SMARCD3: variants seen among roughly 807,000 people sequenced by gnomAD.
The protein encoded by SMARCD3 is SWI/SNF related BAF chromatin remodeling complex subunit D3, also known as SWI/SNF-related matrix-associated actin-dependent regulator of chromatin subfamily D member 3.
SMARCD3 carries 14 observed loss-of-function variants against 58.0 expected under a neutral mutation model. The ratio of observed to expected loss-of-function variants is 0.24; its 90% CI spans 0.16 to 0.38. SMARCD3 has a LOEUF of 0.38. SMARCD3 is among the 10% of genes least tolerant of loss of function. The probability of loss-of-function intolerance (pLI) is 1.00; values close to 1 mark genes in which losing one functional copy is unlikely to be tolerated. For synonymous variants in SMARCD3, 253 were observed against 253.8 expected, an observed-to-expected ratio of 1.00 and a Z score of 0.03; for missense variants, 408 against 636.9, an observed-to-expected ratio of 0.64 and a Z score of 3.87.
Position 151,242,284 on chromosome 7 carries a change from G to T in SMARCD3, c.580-52C>A. 1 of 1,492,822 alleles carries T rather than the reference G, an allele frequency of 6.7e-7. No individual in the cohort carries two copies. Among genetic ancestry groups the T allele is most frequent in the Non-Finnish European group, 9.3e-7 (1 of 1,069,716 alleles). The allele number at this position is 1,492,822 out of a possible 1,614,324, so 92.5% of individuals were successfully genotyped here. A position where few individuals can be genotyped will look rare whatever the true frequency, so the allele number is the denominator to read the frequency against. The stretch of plus-strand genomic sequence containing the variant: ...GGGCAGAACAGGGACGAGGTGGGAG[G>T]AGCAGAAGGAGGCCAAGTTGGCAGC... On this transcript the variant is annotated intron_variant, in intron 5 of 12. Coordinates refer to ENST00000262188, the MANE Select transcript of SMARCD3 (RefSeq NM_001003801.2). The surrounding 1 kb of genome is among the most constrained non-coding windows in gnomAD (Gnocchi z 4.7).
At chr7:151,275,303 G>C in intron 1 of SMARCD3, 4 of 695,990 alleles carry the variant, frequency 5.7e-6, no homozygotes, top group South Asian at 4.9e-5. Context: ...AGGAGGCCTC[G>C]GGAAGCTGCG....
chr7:151,247,710 A>C (rs1803336794), intron 1 of SMARCD3, among the ~76,000 whole-genome samples: 1 of 148,446 alleles, frequency 6.7e-6, no homozygotes, highest in African/African-American at 2.5e-5. Context: ...TACCCCTCCC[A>C]GCCGGGCCCT....
rs2150605295 is a variant in SMARCD3 at position 151,256,684 on chromosome 7, A to G, written c.40-11013T>C. Among the ~76,000 whole-genome samples, 2 of 152,224 alleles carry G rather than the reference A, an allele frequency of 1.3e-5. 1 individual carries two copies. Among genetic ancestry groups the G allele is most frequent in the South Asian group, 4.1e-4 (2 of 4,822 alleles). ...AATATGCCCGCTCCCACACCCCGACAGGAGTTTTTTGCAGCTTCTCCCTCC... is the reference window on the plus strand; with the variant it reads ...AATATGCCCGCTCCCACACCCCGACGGGAGTTTTTTGCAGCTTCTCCCTCC... On this transcript the variant is annotated intron_variant, in intron 2 of 13. Transcript: ENST00000356800.
In SMARCD3 at chr7:151,243,036, G is replaced by A. The variant is rs1302084648; in HGVS notation, c.334-193C>T. On this transcript the variant is annotated intron_variant, in intron 3 of 12. Coordinates refer to ENST00000262188, the MANE Select transcript of SMARCD3 (RefSeq NM_001003801.2). This position sits in a 1 kb window ranked among gnomAD's most constrained non-coding sequence, Gnocchi z 4.4. ...TATCCAGCAGTAGGGGCCTTGCTGTGTAGGGATAACAATTGCTTCTCCCTT... is the reference window on the plus strand; with the variant it reads ...TATCCAGCAGTAGGGGCCTTGCTGTATAGGGATAACAATTGCTTCTCCCTT... 2.6e-5 allele frequency among the ~76,000 whole-genome samples: 4 copies of A among 152,194 alleles called. No individual in the cohort carries two copies. Among genetic ancestry groups the A allele is most frequent in the African/African-American group, 9.6e-5 (4 of 41,454 alleles).
At chr7:151,253,284 G>A (rs1232391855), upstream of SMARCD3, among the ~76,000 whole-genome samples, 1 of 152,030 alleles carries the variant, frequency 6.6e-6, no homozygotes, top group African/African-American at 2.4e-5. Context: ...CCTCAGGGAC[G>A]CGGCCCTCCC....
chr7:151,241,346 C>G lies in SMARCD3; in HGVS notation c.939+146G>C, dbSNP rs1415413456. On this transcript the variant is annotated intron_variant, in intron 8 of 12. Transcript: ENST00000262188. This position sits in a 1 kb window ranked among gnomAD's most constrained non-coding sequence, Gnocchi z 5.3. ...GGCCTGAACTAGAATCCTGGTCGGTCTCTTGGCTCCAAGACCATGACTGTG... is the reference window on the plus strand; with the variant it reads ...GGCCTGAACTAGAATCCTGGTCGGTGTCTTGGCTCCAAGACCATGACTGTG... 1 of 758,798 alleles carries G rather than the reference C, an allele frequency of 1.3e-6. No homozygotes were observed. The highest frequency in any genetic ancestry group is 1.5e-5 in the South Asian group (1 of 67,584). The allele number at this position is 758,798 out of a possible 1,614,324, so 47.0% of individuals were successfully genotyped here. A position where few individuals can be genotyped will look rare whatever the true frequency, so the allele number is the denominator to read the frequency against.
At position 151,245,540 on chromosome 7, in the gene SMARCD3, C is replaced by T. The variant is rs1428790389; in HGVS notation, c.210G>A (p.Lys70=). ...TCTGCCCGGGCGGGGGCGCTGCTCG[C>T]TTGCGGGCGGGCTCCATGCCCGCGG... ...LAPAGMEPAR[K]RAAPPPGQSQ... Residue 70 remains lysine (K), a synonymous_variant, in exon 2 of 13, where the codon AAG becomes AAA. Coordinates refer to ENST00000262188, the MANE Select transcript of SMARCD3 (RefSeq NM_001003801.2). This position sits in a 1 kb window ranked among gnomAD's most constrained non-coding sequence, Gnocchi z 6.2. 1.8e-5 allele frequency: 22 copies of T among 1,218,834 alleles called. No individual in the cohort carries two copies. Among genetic ancestry groups the T allele is most frequent in the Admixed American group, 4.3e-5 (1 of 23,472 alleles). 75.5% of individuals were successfully genotyped at this position (1,218,834 alleles called of 1,614,324 possible). A position where few individuals can be genotyped will look rare whatever the true frequency, so the allele number is the denominator to read the frequency against.
Position 151,239,408 on chromosome 7 carries a change from G to A in SMARCD3, c.1386C>T (p.Tyr462=), listed in dbSNP as rs1372717694. 6.2e-7 allele frequency: 1 copy of A among 1,613,126 alleles called. No homozygotes were observed. The highest frequency in any genetic ancestry group is 8.5e-7 in the Non-Finnish European group (1 of 1,179,336). Residue 462 remains tyrosine, a synonymous_variant, in exon 12 of 13, where the codon TAC becomes TAT. Coordinates refer to ENST00000262188, the MANE Select transcript of SMARCD3 (RefSeq NM_001003801.2). The surrounding 1 kb of genome is among the most constrained non-coding windows in gnomAD (Gnocchi z 7.0). The stretch of plus-strand genomic sequence containing the variant: ...GGTCCCTGCATACCTTGCAGTAGAA[G>A]TAGCGACTGACGGCCTCCTGGGACC... ...QPWSQEAVSR[Y]FYCKIQQRRQ...
chr7:151,242,037 G>T lies in SMARCD3; in HGVS notation c.676-59C>A. ...GCCCATCTGGAGTGGTGGGGCCCAG[G>T]ACTCTAGGGTGGTCCCTGACCCAAA... On this transcript the variant is annotated intron_variant, in intron 6 of 12. Transcript: ENST00000262188. The surrounding 1 kb of genome is among the most constrained non-coding windows in gnomAD (Gnocchi z 4.7). 6.5e-7 allele frequency: 1 copy of T among 1,549,362 alleles called. No individual in the cohort carries two copies. Among genetic ancestry groups the T allele is most frequent in the Admixed American group, 1.7e-5 (1 of 59,368 alleles).
intron 2 of SMARCD3, among the ~76,000 whole-genome samples, chr7:151,258,536 G>A (rs1264783584): frequency 1.4e-5 from 2 of 144,970 alleles, no homozygotes; most frequent in Non-Finnish European, 3.0e-5. Flanking sequence ...CTGCACTCCA[G>A]CCTGGGCAAC....
In SMARCD3 at chr7:151,243,402, C is replaced by G. The variant is rs887562732; in HGVS notation, c.333+257G>C. Among the ~76,000 whole-genome samples the G allele has an allele frequency of 6.6e-6, 1 of 152,206 alleles. No individual in the cohort carries two copies. The highest frequency in any genetic ancestry group is 1.5e-5 in the Non-Finnish European group (1 of 68,026). ...CTTCTGATCCCCTAGCTCTTGCCCC[C>G]TCCTGGTCCCACAGCTCTATAGTAC... On this transcript the variant is annotated intron_variant, in intron 3 of 12. Coordinates refer to ENST00000262188, the MANE Select transcript of SMARCD3 (RefSeq NM_001003801.2). This position sits in a 1 kb window ranked among gnomAD's most constrained non-coding sequence, Gnocchi z 4.4.
chr7:151,250,278 C>A (rs1477773535), upstream of SMARCD3, among the ~76,000 whole-genome samples: 1 of 151,908 alleles, frequency 6.6e-6, no homozygotes, highest in Non-Finnish European at 1.5e-5. Context: ...TGAAAGGGGA[C>A]CTAGAGATCC....
intron 2 of SMARCD3, among the ~76,000 whole-genome samples, chr7:151,261,745 G>A (rs900871314): frequency 1.2e-4 from 19 of 152,198 alleles, no homozygotes; most frequent in African/African-American, 4.1e-4. Flanking sequence ...AGGGTGGGGC[G>A]CAGTGGAACC....
chr7:151,275,169 C>G, exon 2 of SMARCD3: 1 of 1,610,768 alleles, frequency 6.2e-7, no homozygotes, highest in Non-Finnish European at 8.5e-7. Context: ...CAGGGTCCTG[C>G]ACCTGGAGAG....
rs140745398 is a variant in SMARCD3 at position 151,275,131 on chromosome 7, G to A, written c.22C>T (p.Pro8Ser). 4.3e-6 allele frequency: 7 copies of A among 1,612,232 alleles called. No individual in the cohort carries two copies. In the Middle Eastern group the frequency reaches 6.6e-4, roughly 152 times the overall value. ...GCACCTACCTGTACCACGGTGGGTGGGTGCTGAAGACCTGGAGTCATAGAT... is the reference window on the plus strand; with the variant it reads ...GCACCTACCTGTACCACGGTGGGTGAGTGCTGAAGACCTGGAGTCATAGAT... The change falls in exon 2 of 14, where the codon CCA (proline) becomes TCA (serine). Residue 8 changes from proline to serine, a missense_variant. Pro to Ser is a moderately conservative substitution (Grantham distance 74). Transcript: ENST00000356800.
chr7:151,238,968 G>A lies in SMARCD3; in HGVS notation c.*135C>T. 1 of 1,096,690 alleles carries A rather than the reference G, an allele frequency of 9.1e-7. No individual in the cohort carries two copies. The highest frequency in any genetic ancestry group is 2.4e-5 in the East Asian group (1 of 42,232). 67.9% of individuals were successfully genotyped at this position (1,096,690 alleles called of 1,614,324 possible). A position where few individuals can be genotyped will look rare whatever the true frequency, so the allele number is the denominator to read the frequency against. On this transcript the variant is annotated 3_prime_UTR_variant, in exon 13 of 13. Transcript: ENST00000262188. Reference sequence around the variant, plus strand: ...CTCCCCAGTTTCCAATGACCACACGGCTGCTGTCAGATGAATGACTTTTAA... The same window carrying A: ...CTCCCCAGTTTCCAATGACCACACGACTGCTGTCAGATGAATGACTTTTAA...
chr7:151,260,795 G>A (rs977835453), intron 2 of SMARCD3, among the ~76,000 whole-genome samples: 2 of 152,228 alleles, frequency 1.3e-5, no homozygotes, highest in Non-Finnish European at 2.9e-5. Flanking sequence ...AGGGGTAGGA[G>A]AAGCGATGAG....
intron 2 of SMARCD3, among the ~76,000 whole-genome samples, chr7:151,266,061 C>G (rs1024152668): frequency 6.6e-6 from 1 of 152,158 alleles, no homozygotes; most frequent in Non-Finnish European, 1.5e-5. Flanking sequence ...TCTCCACCTC[C>G]TGGTTTCAAG....
chr7:151,245,549 G>C lies in SMARCD3; in HGVS notation c.201C>G (p.Pro67=). ...RPGLAPAGME[P]ARKRAAPPPG... ...GCGGGGGCGCTGCTCGCTTGCGGGC[G>C]GGCTCCATGCCCGCGGGGGCCAGGC... The change falls in exon 2 of 13, where the codon CCC becomes CCG. Residue 67 remains proline, a synonymous_variant. Coordinates refer to ENST00000262188, the MANE Select transcript of SMARCD3 (RefSeq NM_001003801.2). This position sits in a 1 kb window ranked among gnomAD's most constrained non-coding sequence, Gnocchi z 6.2. 1 of 1,207,800 alleles carries C rather than the reference G, an allele frequency of 8.3e-7. No individual in the cohort carries two copies. 74.8% of individuals were successfully genotyped at this position (1,207,800 alleles called of 1,614,324 possible). A position where few individuals can be genotyped will look rare whatever the true frequency, so the allele number is the denominator to read the frequency against.
Sources: allele counts gnomAD v4.1 joint callset (sites outside exome capture counted in the v4.1 genomes callset), GRCh38; gene constraint gnomAD v4.1.1; non-coding constraint Gnocchi (gnomAD v3.1); transcripts MANE v1.5; gene names NCBI Gene and HGNC (gene_info 2026-07-23, HGNC 2026-07-21).